The following RNF14 variants were observed in gnomAD, a reference collection of about 807,000 sequenced individuals.
RNF14 encodes the protein ring finger protein 14.
A neutral mutation model predicts 52.6 loss-of-function variants in RNF14; 26 were observed. The ratio of observed to expected loss-of-function variants is 0.49; its 90% CI spans 0.36 to 0.69. The LOEUF is 0.69. Ranked by LOEUF, RNF14 falls within the 30% of genes least tolerant of loss-of-function variation. The pLI is 0.00. For missense variants in RNF14, 404 were observed against 560.4 expected (o/e 0.72, Z 2.82); for synonymous variants, 194 against 202.0 (o/e 0.96, Z 0.34).
At chr5:141,956,617 A>G (rs148436079), upstream of RNF14, 1 of 1,614,212 alleles carries the variant, frequency 6.2e-7, no homozygotes, top group Non-Finnish European at 8.5e-7. Flanking sequence ...ATTGGTTAGC[A>G]ACATGTATGT....
At chr5:141,956,199 C>T, upstream of RNF14, 1 of 1,614,240 alleles carries the variant, frequency 6.2e-7, no homozygotes, top group Non-Finnish European at 8.5e-7. Context: ...GGCTGACCCA[C>T]ACAGAGACAC....
chr5:141,951,753 G>A, the RNF14 span, among the ~76,000 whole-genome samples: 1 of 152,358 alleles, frequency 6.6e-6, no homozygotes, highest in Middle Eastern at 3.4e-3. Context: ...CAGAGACAGG[G>A]ACCTGGGCGG....
intron 4 of RNF14, among the ~76,000 whole-genome samples, chr5:141,976,332 C>A (rs565112643): frequency 6.6e-6 from 1 of 152,312 alleles, no homozygotes; most frequent in South Asian, 2.1e-4. Context: ...CATGCACACA[C>A]ACGCACAAAA....
intron 1 of RNF14, among the ~76,000 whole-genome samples, chr5:141,959,405 C>T (rs578257978): frequency 1.8e-4 from 27 of 152,182 alleles, no homozygotes; most frequent in African/African-American, 6.0e-4. Flanking sequence ...TTTGAGGTGG[C>T]CTTATTGCTT....
At chr5:141,983,589 T>C (rs1214760208) in intron 7 of RNF14, 37 bp downstream of exon 7, 1 of 1,564,438 alleles carries the variant, frequency 6.4e-7, no homozygotes, top group Non-Finnish European at 8.6e-7. Flanking sequence ...GCCATCAGAC[T>C]TGCAAGGATG....
chr5:141,954,983 G>A, upstream of RNF14: 1 of 1,612,060 alleles, frequency 6.2e-7, no homozygotes, highest in Non-Finnish European at 8.5e-7. Flanking sequence ...TGAACAGGAG[G>A]AGAATCCACA....
chr5:141,964,324 T>C (rs1753299498), upstream of RNF14, among the ~76,000 whole-genome samples: 4 of 152,190 alleles, frequency 2.6e-5, no homozygotes, highest in South Asian at 8.3e-4. Context: ...ATGGGGTTAA[T>C]GATGTGGGCC....
intron 4 of RNF14, 143 bp from the exon 5 acceptor site, chr5:141,978,160 G>C (rs1425022178): frequency 3.3e-6 from 2 of 614,840 alleles, no homozygotes; most frequent in African/African-American, 4.0e-5. Context: ...TGTTTTGTAT[G>C]TAGCACAGTG....
chr5:141,964,792 T>A (rs1431609782), upstream of RNF14, among the ~76,000 whole-genome samples: 2 of 149,054 alleles, frequency 1.3e-5, no homozygotes, highest in Admixed American at 1.3e-4. Flanking sequence ...TTTTTTTTTT[T>A]TTTTTTGTAT....
chr5:141,964,117 A>G (rs1431587585), upstream of RNF14, among the ~76,000 whole-genome samples: 1 of 152,262 alleles, frequency 6.6e-6, no homozygotes, highest in African/African-American at 2.4e-5. Context: ...AAGCACAGAA[A>G]ACATTTTATA....
chr5:141,971,426 A>T (rs1391480511), intron 2 of RNF14, among the ~76,000 whole-genome samples: 1 of 152,022 alleles, frequency 6.6e-6, no homozygotes, highest in Non-Finnish European at 1.5e-5. Flanking sequence ...TAGAGACAGG[A>T]TCTTGCTATG....
the RNF14 span, chr5:141,951,519 C>T: frequency 6.2e-7 from 1 of 1,614,178 alleles, no homozygotes; most frequent in Non-Finnish European, 8.5e-7. Flanking sequence ...TGGCCAAGTA[C>T]TTATTTCCTC....
chr5:141,972,324 G>C (rs1010826248), intron 2 of RNF14, among the ~76,000 whole-genome samples: 1 of 151,146 alleles, frequency 6.6e-6, no homozygotes, highest in African/African-American at 2.4e-5. Flanking sequence ...CGACCTCCCA[G>C]GCTCAAGTGA....
chr5:141,963,614 A>G (rs140779664), upstream of RNF14, among the ~76,000 whole-genome samples: 1,665 of 152,294 alleles, frequency 0.011, 9 homozygotes, highest in Non-Finnish European at 0.017. Context: ...CATTTATTAA[A>G]TCATTCAGTC....
At chr5:141,949,592 G>A in the RNF14 span, 1 of 1,612,450 alleles carries the variant, frequency 6.2e-7, no homozygotes, top group East Asian at 2.2e-5. Flanking sequence ...TCCTGCAAAA[G>A]AAACCAACCA....
upstream of RNF14, among the ~76,000 whole-genome samples, chr5:141,954,265 T>C (rs1012741431): frequency 6.6e-6 from 1 of 152,108 alleles, no homozygotes; most frequent in African/African-American, 2.4e-5. Context: ...GCCGGAAAGC[T>C]CTGGGGTCTC....
At chr5:141,973,894 G>T in intron 3 of RNF14, 152 bp downstream of exon 3, 1 of 651,418 alleles carries the variant, frequency 1.5e-6, no homozygotes, top group Non-Finnish European at 2.5e-6. Flanking sequence ...AAATTGCAAT[G>T]AGGGGCAAGC....
the RNF14 span, chr5:141,951,491 A>C: frequency 1.9e-6 from 3 of 1,613,186 alleles, no homozygotes; most frequent in Non-Finnish European, 1.7e-6. Flanking sequence ...CGTGCTGCTT[A>C]CCTGCTGCCT....
chr5:141,985,709 C>T (rs1421849803), intron 8 of RNF14, among the ~76,000 whole-genome samples: 1 of 152,134 alleles, frequency 6.6e-6, no homozygotes, highest in Non-Finnish European at 1.5e-5. Flanking sequence ...CCTGCCACCA[C>T]GCCCGGCTAA....
Sources: gnomAD v4.1 joint callset for allele counts (sites outside exome capture counted in the v4.1 genomes callset) on GRCh38, gnomAD v4.1.1 for gene constraint, MANE v1.5 for transcripts, NCBI Gene and HGNC (gene_info 2026-07-23, HGNC 2026-07-21) for gene names.